Variants in CRYBG1 observed in about 807,000 individuals in gnomAD.
The protein encoded by CRYBG1 is crystallin beta-gamma domain containing 1.
In CRYBG1, 139 loss-of-function variants were observed where a neutral mutation model predicts 189.2. The observed-to-expected ratio is 0.73, with a 90% CI of 0.64 to 0.85. CRYBG1 has a LOEUF of 0.85. Among genes scored for constraint, CRYBG1 ranks in the 40% least tolerant of loss-of-function variants. The pLI is 0.00. For missense variants in CRYBG1, 2,611 were observed against 2,675.8 expected (o/e 0.98, Z 0.53); for synonymous variants, 1,023 against 1,017.1 (o/e 1.01, Z -0.11).
At chr6:106,553,667 T>C (rs1368426044) in intron 16 of CRYBG1, 100 bp downstream of exon 16, 3 of 799,076 alleles carry the variant, frequency 3.8e-6, no homozygotes, top group Admixed American at 2.3e-5. Context: ...CTTGGCACTA[T>C]GCGAAACCAC....
intron 1 of CRYBG1, among the ~76,000 whole-genome samples, chr6:106,422,714 C>A (rs962346216): frequency 3.3e-5 from 5 of 152,174 alleles, no homozygotes; most frequent in Non-Finnish European, 5.9e-5. Context: ...TGCATGCCTT[C>A]ATTTACTCAC....
chr6:106,479,123 G>A (rs1772393159), intron 2 of CRYBG1, among the ~76,000 whole-genome samples: 1 of 152,130 alleles, frequency 6.6e-6, no homozygotes, highest in South Asian at 2.1e-4. Flanking sequence ...TGATGAACAT[G>A]CGGGTTGTTT....
At chr6:106,524,966 A>G (rs1202141005) in intron 4 of CRYBG1, among the ~76,000 whole-genome samples, 167 bp from the exon 5 acceptor site, 2 of 152,254 alleles carry the variant, frequency 1.3e-5, no homozygotes, top group African/African-American at 4.8e-5. Flanking sequence ...ATTTAAAAGC[A>G]TAAACTCAAA....
rs898834325 is a variant in CRYBG1, at chr6:106,383,392, G to T, written c.173+22311G>T. On this transcript the variant is annotated intron_variant, in intron 1 of 21. Coordinates refer to ENST00000633556, the MANE Select transcript of CRYBG1 (RefSeq NM_001371242.2). ...GGGCACCAGGCTATTCAGTGGCAAA[G>T]CTGGGGCCAGAACCAAGCTTTCTCT... Among the ~76,000 whole-genome samples the T allele has an allele frequency of 3.3e-5, 5 of 152,322 alleles. No homozygotes were observed. In the East Asian group the frequency reaches 9.6e-4, roughly 29 times the overall value.
chr6:106,461,833 G>C (rs992393453), intron 2 of CRYBG1, among the ~76,000 whole-genome samples: 1 of 152,136 alleles, frequency 6.6e-6, no homozygotes, highest in Non-Finnish European at 1.5e-5. Flanking sequence ...CAGGTGCAAT[G>C]GGTGTGCTAA....
Position 106,512,029 on chromosome 6 carries a change from G to A in CRYBG1, c.912G>A (p.Arg304=). 1 of 1,529,472 alleles carries A rather than the reference G, an allele frequency of 6.5e-7. No individual in the cohort carries two copies. The highest frequency in any genetic ancestry group is 8.7e-7 in the Non-Finnish European group (1 of 1,143,428). 94.7% of individuals were successfully genotyped at this position (1,529,472 alleles called of 1,614,324 possible). ...RGAPGSPTQE[R]PAGGLGEAPN... is the part of the protein sequence containing the mutation. ...CGCCAGGGTCGCCCACCCAGGAGCG[G>A]CCCGCGGGAGGACTAGGCGAGGCCC... Residue 304 remains arginine, a synonymous_variant, in exon 3 of 22, where the codon CGG becomes CGA. Coordinates refer to ENST00000633556, the MANE Select transcript of CRYBG1 (RefSeq NM_001371242.2).
At chr6:106,553,939 G>C (rs1040433335) in intron 16 of CRYBG1, among the ~76,000 whole-genome samples, 1 of 152,174 alleles carries the variant, frequency 6.6e-6, no homozygotes, top group Non-Finnish European at 1.5e-5. Flanking sequence ...CGCTGGAGTG[G>C]AGCTGGTGGA....
At chr6:106,499,229 C>A (rs1312200876) in intron 2 of CRYBG1, among the ~76,000 whole-genome samples, 3 of 148,414 alleles carry the variant, frequency 2.0e-5, no homozygotes, top group African/African-American at 7.5e-5. Context: ...CTCAGCTCAC[C>A]GCAACTTCCG....
chr6:106,360,966 C>T lies in CRYBG1; in HGVS notation c.58C>T (p.Pro20Ser). The change falls in exon 1 of 22, where the codon CCT (proline) becomes TCT (serine). Residue 20 changes from proline to serine, a missense_variant. Around this residue, in one of 3 missense-constraint regions of CRYBG1, gnomAD observed 985 missense variants for 924.4 expected, o/e 1.07. Coordinates refer to ENST00000633556, the MANE Select transcript of CRYBG1 (RefSeq NM_001371242.2). ...DPGEPSPCRP[P>S]KKHTTFHLWR... ...CGGGGAGCCCAGCCCGTGCAGGCCC[C>T]CTAAGAAGCACACCACCTTCCACCT... 2.0e-6 allele frequency: 3 copies of T among 1,535,254 alleles called. No homozygotes were observed. The highest frequency in any genetic ancestry group is 1.7e-4 in the Middle Eastern group (1 of 5,980).
chr6:106,541,712 T>C (rs1774135449), intron 10 of CRYBG1, 91 bp downstream of exon 10: 1 of 915,496 alleles, frequency 1.1e-6, no homozygotes. Context: ...TCCCACTCCA[T>C]CTCTATGAAG....
rs758212291 is a variant in CRYBG1, at chr6:106,520,883, G to A, written c.3675G>A (p.Arg1225=). 13 of 1,613,914 alleles carry A rather than the reference G, an allele frequency of 8.1e-6. No individual in the cohort carries two copies. The East Asian group carries it at 2.5e-4, about 30-fold the overall frequency. The change falls in exon 4 of 22, where the codon AGG becomes AGA. Residue 1225 remains arginine, a synonymous_variant. Transcript: ENST00000633556. The part of the protein sequence containing the change: ...VMPEINDKEN[R]DVTNGGIKRS... The stretch of plus-strand genomic sequence containing the variant: ...CGGAAATCAATGACAAAGAGAACAG[G>A]GACGTCACAAATGGTGGCATTAAGA...
intron 1 of CRYBG1, among the ~76,000 whole-genome samples, chr6:106,361,384 C>G (rs1771866313): frequency 6.6e-6 from 1 of 152,176 alleles, no homozygotes; most frequent in Non-Finnish European, 1.5e-5. Context: ...CTAACCAGAG[C>G]GGCGGGGAGT....
chr6:106,563,403 G>C (rs1047122827), intron 20 of CRYBG1, among the ~76,000 whole-genome samples: 10 of 152,170 alleles, frequency 6.6e-5, no homozygotes, highest in African/African-American at 2.4e-4. Context: ...AGGTGGAGAT[G>C]TCAGAGGGAG....
At position 106,512,946 on chromosome 6, in the gene CRYBG1, C is replaced by G. The variant is rs150814885; in HGVS notation, c.1829C>G (p.Ala610Gly). 6.2e-7 allele frequency: 1 copy of G among 1,610,302 alleles called. No homozygotes were observed. Among genetic ancestry groups the G allele is most frequent in the South Asian group, 1.1e-5 (1 of 90,564 alleles). The change falls in exon 3 of 22, where the codon GCG becomes GGG. Residue 610 changes from alanine (A) to glycine (G), a missense_variant. This residue lies in a region of CRYBG1 where 985 missense variants were observed against 924.4 expected (regional missense o/e 1.07). Coordinates refer to ENST00000633556, the MANE Select transcript of CRYBG1 (RefSeq NM_001371242.2). ...GGTCGAAGCAGAGAGCTGGGCAGAG[C>G]GGCCGGAGCGCCTGGAGCTTCTGAC... ...EGGRSRELGR[A>G]AGAPGASDAD...
intron 2 of CRYBG1, among the ~76,000 whole-genome samples, chr6:106,497,938 A>G (rs1251206676): frequency 6.6e-6 from 1 of 151,820 alleles, no homozygotes; most frequent in African/African-American, 2.4e-5. Context: ...TACAAATACA[A>G]AAAAAAATTA....
chr6:106,397,743 C>T (rs148552708), intron 1 of CRYBG1, among the ~76,000 whole-genome samples: 1 of 152,302 alleles, frequency 6.6e-6, no homozygotes, highest in East Asian at 1.9e-4. Flanking sequence ...ACAATCTCTG[C>T]ATTTGGAATG....
chr6:106,438,607 T>C (rs1771511046), intron 1 of CRYBG1, among the ~76,000 whole-genome samples: 1 of 152,200 alleles, frequency 6.6e-6, no homozygotes, highest in Admixed American at 6.5e-5. Context: ...AGTAAATCCA[T>C]AATCCATATG....
chr6:106,429,567 T>A (rs1342412356), intron 1 of CRYBG1, among the ~76,000 whole-genome samples: 9 of 152,242 alleles, frequency 5.9e-5, no homozygotes, highest in Admixed American at 5.9e-4. Flanking sequence ...TATTCCTTTC[T>A]GAGCATGAAA....
At chr6:106,499,797 A>G (rs1366842916) in intron 2 of CRYBG1, among the ~76,000 whole-genome samples, 1 of 152,182 alleles carries the variant, frequency 6.6e-6, no homozygotes, top group African/African-American at 2.4e-5. Context: ...GAAACCATAT[A>G]TCCTTTGACC....
Sources: gnomAD v4.1 joint callset for allele counts (sites outside exome capture counted in the v4.1 genomes callset) on GRCh38, gnomAD v4.1.1 for gene constraint, gnomAD v4.1.1 regional missense constraint, MANE v1.5 for transcripts, NCBI Gene and HGNC (gene_info 2026-07-23, HGNC 2026-07-21) for gene names.